Variants in RBFOX1 observed in about 807,000 individuals in gnomAD.
The protein encoded by RBFOX1 is RNA binding protein fox-1 homolog 1.
A neutral mutation model predicts 57.7 loss-of-function variants in RBFOX1; 8 were observed. The observed-to-expected ratio is 0.14, with a 90% confidence interval of 0.08 to 0.25. RBFOX1 has a LOEUF of 0.25. Among genes scored for constraint, RBFOX1 ranks in the 10% least tolerant of loss-of-function variants. RBFOX1 has a pLI of 1.00. For synonymous variants in RBFOX1, 326 were observed against 222.4 expected (o/e 1.47, Z -4.15); for missense variants, 611 against 548.5 (o/e 1.11, Z -1.14).
chr16:7,642,583 C>G (rs573933767), intron 11 of RBFOX1, among the ~76,000 whole-genome samples: 1 of 152,122 alleles, frequency 6.6e-6, no homozygotes, highest in Admixed American at 6.5e-5. Context: ...GGCAATTCAC[C>G]GAGCTTGCTG....
At chr16:7,442,918 C>A (rs775191524) in intron 4 of RBFOX1, among the ~76,000 whole-genome samples, 18 of 152,196 alleles carry the variant, frequency 1.2e-4, no homozygotes, top group Admixed American at 4.6e-4. Context: ...GAGCCATTGC[C>A]TGTTCCTGAC....
chr16:7,385,280 A>G (rs776325574), intron 4 of RBFOX1, among the ~76,000 whole-genome samples: 14 of 152,206 alleles, frequency 9.2e-5, no homozygotes, highest in Non-Finnish European at 2.1e-4. Context: ...GCAGGAGAGC[A>G]GTTAGGAAGC....
chr16:6,997,932 C>T (rs1012927528), intron 3 of RBFOX1, among the ~76,000 whole-genome samples: 13 of 151,958 alleles, frequency 8.6e-5, no homozygotes, highest in Non-Finnish European at 1.3e-4. Context: ...AAAGAATTCT[C>T]ATGTCTATTT....
intron 3 of RBFOX1, among the ~76,000 whole-genome samples, chr16:6,899,905 C>G (rs935513246): frequency 6.6e-6 from 1 of 152,098 alleles, no homozygotes; most frequent in African/African-American, 2.4e-5. Context: ...GATTTTTTTG[C>G]CCATGTTCTG....
intron 2 of RBFOX1, among the ~76,000 whole-genome samples, chr16:5,509,265 T>C (rs142343321): frequency 1.8e-3 from 274 of 152,184 alleles, no homozygotes; most frequent in African/African-American, 6.5e-3. Flanking sequence ...GAATTGGCAA[T>C]GATGGAAGAA....
chr16:5,450,990 CATGACTGTG>C (rs1429782760), intron 1 of RBFOX1, among the ~76,000 whole-genome samples: 1 of 152,228 alleles, frequency 6.6e-6, no homozygotes, highest in Non-Finnish European at 1.5e-5. Flanking sequence ...TATCTGTCAG[CATGACTGTG>C]ATGATTAAAT....
At chr16:5,689,807 A>AG (rs2050616062) in intron 3 of RBFOX1, among the ~76,000 whole-genome samples, 1 of 150,926 alleles carries the variant, frequency 6.6e-6, no homozygotes, top group Non-Finnish European at 1.5e-5. Context: ...ATACAGACCA[A>AG]AAAAAAAAAG....
chr16:5,824,011 G>A (rs764866896), intron 3 of RBFOX1, among the ~76,000 whole-genome samples: 1 of 152,110 alleles, frequency 6.6e-6, no homozygotes, highest in Non-Finnish European at 1.5e-5. Context: ...TATGGTATAA[G>A]AGTTAAGGAC....
intron 3 of RBFOX1, among the ~76,000 whole-genome samples, chr16:5,660,413 C>T (rs1459229239): frequency 6.6e-6 from 1 of 152,084 alleles, no homozygotes; most frequent in Non-Finnish European, 1.5e-5. Context: ...ATAACTGGGA[C>T]TCAAGGAGAG....
At chr16:7,170,660 G>C (rs188838315) in intron 4 of RBFOX1, among the ~76,000 whole-genome samples, 1 of 152,188 alleles carries the variant, frequency 6.6e-6, no homozygotes, top group African/African-American at 2.4e-5. Context: ...GCCCTAAGCT[G>C]TATAATTCAG....
At chr16:5,538,906 C>T (rs1241856246) in intron 2 of RBFOX1, among the ~76,000 whole-genome samples, 1 of 151,662 alleles carries the variant, frequency 6.6e-6, no homozygotes, top group Admixed American at 6.6e-5. Flanking sequence ...GATTCTGACA[C>T]CTTGCACAAT....
intron 4 of RBFOX1, among the ~76,000 whole-genome samples, chr16:7,381,039 T>C (rs2097774611): frequency 6.6e-6 from 1 of 152,250 alleles, no homozygotes. Context: ...TTTGTCTACA[T>C]GAGTGTTTAA....
intron 3 of RBFOX1, among the ~76,000 whole-genome samples, chr16:5,793,813 C>T (rs749803313): frequency 1.4e-4 from 21 of 152,106 alleles, no homozygotes; most frequent in Non-Finnish European, 2.2e-4. Context: ...GCATTGCATG[C>T]GTGCATGTGC....
At chr16:5,454,799 CTTT>C (rs1006099747) in intron 1 of RBFOX1, among the ~76,000 whole-genome samples, 24 of 136,086 alleles carry the variant, frequency 1.8e-4, no homozygotes, top group Non-Finnish European at 3.7e-4. Flanking sequence ...CTCTTTCTTT[CTTT>C]CTTTCCCTTT....
chr16:5,354,659 C>T (rs1221316924), intron 1 of RBFOX1, among the ~76,000 whole-genome samples: 1 of 152,266 alleles, frequency 6.6e-6, no homozygotes, highest in Non-Finnish European at 1.5e-5. Context: ...TATTCCAACC[C>T]TCTCTTTGTG....
intron 3 of RBFOX1, among the ~76,000 whole-genome samples, chr16:6,865,483 T>G (rs1229022028): frequency 2.0e-5 from 3 of 152,194 alleles, no homozygotes; most frequent in Non-Finnish European, 4.4e-5. Flanking sequence ...GGCACCTTCT[T>G]GTTTTTTAAC....
intron 1 of RBFOX1, among the ~76,000 whole-genome samples, chr16:6,224,542 A>G (rs563893525): frequency 5.0e-4 from 76 of 152,242 alleles, no homozygotes; most frequent in African/African-American, 1.7e-3. Context: ...AAAAAGCCCT[A>G]TTTTTAAAGT....
At chr16:5,457,916 AAAGCC>A (rs2068679038) in intron 1 of RBFOX1, among the ~76,000 whole-genome samples, 2 of 152,172 alleles carry the variant, frequency 1.3e-5, no homozygotes, top group African/African-American at 2.4e-5. Context: ...TGAATAAACG[AAAGCC>A]ATGACTGCCA....
chr16:7,602,262 T>C (rs1214503804), intron 9 of RBFOX1, among the ~76,000 whole-genome samples: 2 of 151,780 alleles, frequency 1.3e-5, no homozygotes, highest in Non-Finnish European at 2.9e-5. Flanking sequence ...GGGAGGGGAG[T>C]GCAAATTCAG....
Sources: gnomAD v4.1 joint callset for allele counts (sites outside exome capture counted in the v4.1 genomes callset) on GRCh38, gnomAD v4.1.1 for gene constraint, MANE v1.5 for transcripts, NCBI Gene and HGNC (gene_info 2026-07-23, HGNC 2026-07-21) for gene names.